The following UGT2B15 variants were observed in gnomAD, a reference collection of about 807,000 sequenced individuals.
UGT2B15 encodes the protein UDP glucuronosyltransferase family 2 member B15.
Under a neutral mutation model 45.9 loss-of-function variants are expected in UGT2B15, and 36 were observed. That is an observed-to-expected ratio of 0.78 (90% confidence interval 0.60 to 1.04). The LOEUF is 1.04. Ranked by LOEUF, UGT2B15 falls within the 50% of genes least tolerant of loss-of-function variation. UGT2B15 has a pLI of 0.00. For missense variants in UGT2B15, 617 were observed against 622.4 expected, an observed-to-expected ratio of 0.99 and a Z score of 0.09; for synonymous variants, 219 against 216.4, an observed-to-expected ratio of 1.01 and a Z score of -0.11.
At position 68,668,065 on chromosome 4, in the gene UGT2B15, C is replaced by A. The variant is rs1262945294; in HGVS notation, c.848G>T (p.Cys283Phe). The A allele has an allele frequency of 1.2e-6, 2 of 1,613,758 alleles. No homozygotes were observed. Among genetic ancestry groups the A allele is most frequent in the African/African-American group, 2.7e-5 (2 of 74,884 alleles). ...PNVDFVGGLH[C>F]KPAKPLPKEM... ...CTTAGGCAGGGGTTTGGCTGGTTTA[C>A]AGTGAAGTCCTCCAACAAAATCAAC... is the stretch of plus-strand genomic sequence containing the variant. The change falls in exon 2 of 6, where the codon TGT (cysteine) becomes TTT (phenylalanine). Residue 283 changes from cysteine (C) to phenylalanine (F), a missense_variant. Coordinates refer to ENST00000338206, the MANE Select transcript of UGT2B15 (RefSeq NM_001076.4).
chr4:68,659,953 CTT>C (rs773295559), intron 3 of UGT2B15, among the ~76,000 whole-genome samples: 2 of 141,856 alleles, frequency 1.4e-5, no homozygotes, highest in Non-Finnish European at 3.1e-5. Flanking sequence ...GTGAAGGAAT[CTT>C]TTTTTTTTTG....
At chr4:68,660,012 T>A (rs999037828) in intron 3 of UGT2B15, among the ~76,000 whole-genome samples, 1 of 149,326 alleles carries the variant, frequency 6.7e-6, no homozygotes, top group Admixed American at 6.7e-5. Flanking sequence ...ATGAAAAAAA[T>A]TTAGAACGTA....
intron 5 of UGT2B15, 144 bp downstream of exon 5, chr4:68,653,892 TG>T: frequency 1.9e-6 from 2 of 1,051,822 alleles, no homozygotes; most frequent in Non-Finnish European, 2.7e-6. Context: ...ATAAACTGTC[TG>T]GTGGAAAGTA....
chr4:68,666,753 T>TATATA (rs376549417), intron 2 of UGT2B15, among the ~76,000 whole-genome samples: 16 of 86,168 alleles, frequency 1.9e-4, no homozygotes, highest in East Asian at 1.8e-3. Context: ...TATATATATA[T>TATATA]TTTTTTTTTT....
At chr4:68,650,908 A>G (rs1412335388) in intron 5 of UGT2B15, among the ~76,000 whole-genome samples, 1 of 150,816 alleles carries the variant, frequency 6.6e-6, no homozygotes, top group Non-Finnish European at 1.5e-5. Flanking sequence ...AGTGATATTG[A>G]GCTTTTTTCA....
Position 68,647,282 on chromosome 4 carries a change from T to C in UGT2B15, c.1415A>G (p.Lys472Arg). ...TGCGACTCGAAGGTGCTTGGCTCCT[T>C]TGTGGCGCATGACAAACTCAATCCA... ...VFWIEFVMRH[K>R]GAKHLRVAAH... is the part of the protein sequence containing the mutation. The change falls in exon 6 of 6, where the codon AAA (lysine) becomes AGA (arginine). Residue 472 changes from lysine to arginine, a missense_variant. This residue lies in a region of UGT2B15 where 265 missense variants were observed against 245.1 expected (regional missense o/e 1.08). Transcript: ENST00000338206. 1 of 1,613,932 alleles carries C rather than the reference T, an allele frequency of 6.2e-7. No individual in the cohort carries two copies. The highest frequency in any genetic ancestry group is 8.5e-7 in the Non-Finnish European group (1 of 1,179,900).
At chr4:68,650,588 G>C (rs184919196) in intron 5 of UGT2B15, among the ~76,000 whole-genome samples, 151 of 152,126 alleles carry the variant, frequency 9.9e-4, no homozygotes, top group African/African-American at 3.5e-3. Flanking sequence ...TGATATTGTA[G>C]ATAGCGCTGC....
chr4:68,666,542 A>G (rs886494424), intron 2 of UGT2B15, among the ~76,000 whole-genome samples: 1 of 152,044 alleles, frequency 6.6e-6, no homozygotes, highest in Non-Finnish European at 1.5e-5. Context: ...TTATAAAAGT[A>G]GTCATGATTG....
chr4:68,656,362 T>G (rs932669046), intron 3 of UGT2B15, among the ~76,000 whole-genome samples: 1 of 150,942 alleles, frequency 6.6e-6, no homozygotes, highest in Non-Finnish European at 1.5e-5. Flanking sequence ...CTCCTTACCA[T>G]TACAGTGCTT....
chr4:68,653,916 A>G, intron 5 of UGT2B15, 121 bp downstream of exon 5: 1 of 1,302,446 alleles, frequency 7.7e-7, no homozygotes. Context: ...GACAGATTTT[A>G]CATTGGTTAA....
intron 2 of UGT2B15, among the ~76,000 whole-genome samples, chr4:68,664,266 CAAAAAA>C: frequency 7.0e-6 from 1 of 142,892 alleles, no homozygotes; most frequent in South Asian, 2.2e-4. Context: ...ATTCTCACAC[CAAAAAA>C]AAAAAAAGAG....
At chr4:68,653,095 A>G (rs1188014104) in intron 5 of UGT2B15, among the ~76,000 whole-genome samples, 1 of 152,050 alleles carries the variant, frequency 6.6e-6, no homozygotes, top group African/African-American at 2.4e-5. Flanking sequence ...ACTTTGAAAA[A>G]CAGTTTAGCA....
intron 2 of UGT2B15, among the ~76,000 whole-genome samples, chr4:68,664,772 G>C (rs1733071379): frequency 1.3e-5 from 2 of 151,908 alleles, no homozygotes; most frequent in Admixed American, 6.6e-5. Context: ...CACCATCTTG[G>C]CCAGACTGGT....
intron 2 of UGT2B15, among the ~76,000 whole-genome samples, chr4:68,663,368 T>C (rs1297534445): frequency 6.6e-6 from 1 of 152,022 alleles, no homozygotes; most frequent in African/African-American, 2.4e-5. Flanking sequence ...TGTATGTGTG[T>C]GTAAGGAGGA....
In UGT2B15 at chr4:68,656,287, G is replaced by A. The variant is rs35529523; in HGVS notation, c.1006-1105C>T. The stretch of plus-strand genomic sequence containing the variant: ...GGCAGTTTTGGCCTGAAACCCATCC[G>A]TAGGTAAACAGCTGAATTGCGGTTT... On this transcript the variant is annotated intron_variant, in intron 3 of 5. Coordinates refer to ENST00000338206, the MANE Select transcript of UGT2B15 (RefSeq NM_001076.4). 1.4e-4 allele frequency among the ~76,000 whole-genome samples: 22 copies of A among 151,774 alleles called. No homozygotes were observed. The South Asian group carries it at 3.5e-3, about 24-fold the overall frequency.
intron 5 of UGT2B15, among the ~76,000 whole-genome samples, chr4:68,651,372 C>T (rs1284709266): frequency 6.6e-6 from 1 of 152,110 alleles, no homozygotes; most frequent in Non-Finnish European, 1.5e-5. Flanking sequence ...CTGCGTATGG[C>T]TAGCCGGTTT....
chr4:68,656,296 C>T (rs1236894899), intron 3 of UGT2B15, among the ~76,000 whole-genome samples: 1 of 151,992 alleles, frequency 6.6e-6, no homozygotes, highest in African/African-American at 2.4e-5. Context: ...CGTAGGTAAA[C>T]AGCTGAATTG....
At chr4:68,666,756 T>G (rs71615077) in intron 2 of UGT2B15, among the ~76,000 whole-genome samples, 1 of 145,448 alleles carries the variant, frequency 6.9e-6, no homozygotes, top group Non-Finnish European at 1.5e-5. Context: ...ATATATATTT[T>G]TTTTTTTTGA....
intron 3 of UGT2B15, among the ~76,000 whole-genome samples, chr4:68,659,871 A>G (rs1405124024): frequency 6.6e-6 from 1 of 152,040 alleles, no homozygotes; most frequent in East Asian, 1.9e-4. Flanking sequence ...GACTGAAATA[A>G]TAAAAAACTA....
Sources: allele counts gnomAD v4.1 joint callset (sites outside exome capture counted in the v4.1 genomes callset), GRCh38; gene constraint gnomAD v4.1.1; regional missense constraint gnomAD v4.1.1; transcripts MANE v1.5; gene names NCBI Gene and HGNC (gene_info 2026-07-23, HGNC 2026-07-21).